The following SHANK1 variants were observed in gnomAD, a reference collection of about 807,000 sequenced individuals.
The protein encoded by SHANK1 is SH3 and multiple ankyrin repeat domains 1, also known as SH3 and multiple ankyrin repeat domains protein 1.
A neutral mutation model predicts 165.6 loss-of-function variants in SHANK1; 35 were observed. That is an observed-to-expected ratio of 0.21 (90% confidence interval 0.16 to 0.28). The LOEUF (loss-of-function observed/expected upper bound fraction) is 0.28. Among genes scored for constraint, SHANK1 ranks in the 10% least tolerant of loss-of-function variants. The pLI is 1.00. For synonymous variants in SHANK1, 1,428 were observed against 1,384.8 expected, an observed-to-expected ratio of 1.03 and a Z score of -0.69; for missense variants, 2,681 against 3,036.4, an observed-to-expected ratio of 0.88 and a Z score of 2.75.
chr19:50,700,898 C>T (rs562903041), intron 12 of SHANK1, among the ~76,000 whole-genome samples: 14 of 152,108 alleles, frequency 9.2e-5, no homozygotes, highest in Non-Finnish European at 1.9e-4. Flanking sequence ...TGAATTTGAT[C>T]ATTCATTCAC....
rs1232285164 is a variant in SHANK1 at position 50,707,570 on chromosome 19, T to C, written c.1078-3056A>G. ...CAACCTGGCCTTCTTCTTCCTTTTT[T>C]TTTTTTTTTGAGACAGAGTCTCGCT... On this transcript the variant is annotated intron_variant, in intron 8 of 23. Coordinates refer to ENST00000293441, the MANE Select transcript of SHANK1 (RefSeq NM_016148.5). 2.0e-5 allele frequency among the ~76,000 whole-genome samples: 3 copies of C among 151,890 alleles called. No individual in the cohort carries two copies. The East Asian group carries it at 5.8e-4, about 29-fold the overall frequency.
intron 21 of SHANK1, 43 bp from the exon 22 acceptor site, chr19:50,672,157 G>A: frequency 6.7e-7 from 1 of 1,489,810 alleles, no homozygotes; most frequent in Non-Finnish European, 9.3e-7. Context: ...AAAAGATAGA[G>A]AGAGATCAGT....
intron 15 of SHANK1, among the ~76,000 whole-genome samples, chr19:50,692,645 C>T (rs1356806982): frequency 6.6e-6 from 1 of 151,442 alleles, no homozygotes; most frequent in Non-Finnish European, 1.5e-5. Flanking sequence ...GTGGTGTTGC[C>T]CTCATCCCAC....
chr19:50,699,470 G>A (rs911210418), intron 12 of SHANK1, among the ~76,000 whole-genome samples: 1 of 152,204 alleles, frequency 6.6e-6, no homozygotes, highest in African/African-American at 2.4e-5. Context: ...TGGCAAAGGG[G>A]TCCAGGGAGG....
chr19:50,703,732 T>G lies in SHANK1; in HGVS notation c.1321A>C (p.Thr441Pro). The change falls in exon 11 of 24, where the codon ACC (threonine) becomes CCC (proline). Residue 441 changes from threonine (T) to proline (P), a missense_variant. By Grantham distance (38) the Thr-to-Pro change is conservative (BLOSUM62 -1). Around this residue, in one of 10 missense-constraint regions of SHANK1, gnomAD observed 5 missense variants for 21.1 expected, o/e 0.24. Coordinates refer to ENST00000293441, the MANE Select transcript of SHANK1 (RefSeq NM_016148.5). ...PPALLRANSDTSMALPDWMVF... is the reference protein window; with the variant it reads ...PPALLRANSDPSMALPDWMVF... ...ATCCAGTCGGGCAGCGCCATGCTGG[T>G]GTCACTGTTGGCCCGCAGCAGCGCC... 7.6e-6 allele frequency: 11 copies of G among 1,447,070 alleles called. No homozygotes were observed. Among genetic ancestry groups the G allele is most frequent in the Non-Finnish European group, 1.0e-5 (11 of 1,103,578 alleles). 89.6% of individuals were successfully genotyped at this position (1,447,070 alleles called of 1,614,324 possible).
chr19:50,718,196 G>A lies in SHANK1; in HGVS notation c.-44+1210C>T, dbSNP rs1282493162. ...AGAGTTCCAGGAGGTGTGGGCGAGC[G>A]AGCCTCTAACCCAGGGCCGGCGGAC... On this transcript the variant is annotated intron_variant, in intron 1 of 23. Transcript: ENST00000293441. The surrounding 1 kb of genome is among the most constrained non-coding windows in gnomAD (Gnocchi z 5.1). Among the ~76,000 whole-genome samples the A allele has an allele frequency of 2.0e-5, 3 of 152,112 alleles. No individual in the cohort carries two copies. The highest frequency in any genetic ancestry group is 6.5e-5 in the Admixed American group (1 of 15,274).
chr19:50,711,308 T>A, intron 8 of SHANK1, 63 bp downstream of exon 8: 1 of 1,086,502 alleles, frequency 9.2e-7, no homozygotes, highest in Non-Finnish European at 1.4e-6. Flanking sequence ...TGTCTGAGCT[T>A]GGCCCTGGGG....
At chr19:50,715,601 G>T (rs745801645) in intron 4 of SHANK1, 58 bp downstream of exon 4, 1 of 1,483,812 alleles carries the variant, frequency 6.7e-7, no homozygotes, top group Non-Finnish European at 9.4e-7. Context: ...AAGTGGTTGG[G>T]TAGGGGGCTC....
intron 21 of SHANK1, among the ~76,000 whole-genome samples, chr19:50,673,133 A>T (rs1414384406): frequency 6.6e-6 from 1 of 152,114 alleles, no homozygotes; most frequent in African/African-American, 2.4e-5. Context: ...CCGAGGCAGC[A>T]CTAAAGCCGG....
chr19:50,687,545 C>G (rs917760508), intron 19 of SHANK1, 37 bp downstream of exon 19: 2 of 1,515,938 alleles, frequency 1.3e-6, no homozygotes, highest in Non-Finnish European at 8.9e-7. Context: ...TCCCCTCTCC[C>G]CCCGGCCCCC....
At chr19:50,677,638 T>C (rs577063475) in intron 21 of SHANK1, among the ~76,000 whole-genome samples, 1 of 152,240 alleles carries the variant, frequency 6.6e-6, no homozygotes, top group Admixed American at 6.5e-5. Context: ...AGGTGCTCAA[T>C]AAATATTTGT....
intron 15 of SHANK1, among the ~76,000 whole-genome samples, chr19:50,691,619 T>G (rs1429601222): frequency 6.6e-6 from 1 of 152,232 alleles, no homozygotes; most frequent in African/African-American, 2.4e-5. Flanking sequence ...ATCATTAAAT[T>G]GTCTTCTCAT....
chr19:50,674,093 C>T (rs1253541499), intron 21 of SHANK1, among the ~76,000 whole-genome samples: 2 of 119,732 alleles, frequency 1.7e-5, no homozygotes, highest in East Asian at 4.0e-4. Context: ...CCGTGTTGGC[C>T]TATTTTTTTT....
intron 3 of SHANK1, 126 bp from the exon 4 acceptor site, chr19:50,715,856 G>A: frequency 1.1e-6 from 1 of 898,180 alleles, no homozygotes; most frequent in Non-Finnish European, 1.8e-6. Flanking sequence ...GGGTGGGAGT[G>A]AAAACAGCCC....
intron 8 of SHANK1, among the ~76,000 whole-genome samples, chr19:50,707,824 C>G (rs566554398): frequency 6.6e-6 from 1 of 151,960 alleles, no homozygotes; most frequent in Non-Finnish European, 1.5e-5. Context: ...TGTGTATGCC[C>G]GTGCTGCTGG....
chr19:50,719,693 C>A lies in SHANK1; in HGVS notation c.-331G>T, dbSNP rs868808139. 3.3e-3 allele frequency among the ~76,000 whole-genome samples: 500 copies of A among 149,862 alleles called. 2 individuals carry two copies. The highest frequency in any genetic ancestry group is 0.014 in the Middle Eastern group (4 of 290). ...CCGGCTCGGTCCGGCCGGCTCCGGG[C>A]GCCGCGTCTCCGCCTGCTCTTCCTC... On this transcript the variant is annotated 5_prime_UTR_variant, in exon 1 of 24. Coordinates refer to ENST00000293441, the MANE Select transcript of SHANK1 (RefSeq NM_016148.5).
Position 50,713,192 on chromosome 19 carries a change from A to G in SHANK1, c.792+606T>C, listed in dbSNP as rs184168818. Among the ~76,000 whole-genome samples, 501 of 152,244 alleles carry G rather than the reference A, an allele frequency of 3.3e-3. 3 individuals carry two copies. Among genetic ancestry groups the G allele is most frequent in the South Asian group, 0.01 (50 of 4,820 alleles). On this transcript the variant is annotated intron_variant, in intron 6 of 23. Transcript: ENST00000293441. The surrounding 1 kb of genome is among the most constrained non-coding windows in gnomAD (Gnocchi z 6.2). ...AGCCCATCCTGACCCTCATGTGAAG[A>G]GCAATCAGGTGTCCTGGCGGGGGCA...
At chr19:50,665,499 A>G (rs112076924) in intron 23 of SHANK1, among the ~76,000 whole-genome samples, 10,893 of 140,622 alleles carry the variant, frequency 0.077, 679 homozygotes, top group African/African-American at 0.18. Context: ...CCTGGGAGGC[A>G]GAAGTTGCAG....
At chr19:50,675,247 C>G (rs933422977) in intron 21 of SHANK1, among the ~76,000 whole-genome samples, 18 of 151,908 alleles carry the variant, frequency 1.2e-4, no homozygotes, top group African/African-American at 4.4e-4. Context: ...AAGAAACAGA[C>G]CAACCAAAAA....
Sources: gnomAD v4.1 joint callset for allele counts (sites outside exome capture counted in the v4.1 genomes callset) on GRCh38, gnomAD v4.1.1 for gene constraint, gnomAD v4.1.1 regional missense constraint, Gnocchi (gnomAD v3.1) non-coding constraint, MANE v1.5 for transcripts, NCBI Gene and HGNC (gene_info 2026-07-23, HGNC 2026-07-21) for gene names.